Variants in FGD4 observed in about 807,000 individuals in gnomAD.
The protein encoded by FGD4 is FYVE, RhoGEF and PH domain containing 4, also known as FYVE, RhoGEF and PH domain-containing protein 4.
In FGD4, 42 loss-of-function variants were observed where a neutral mutation model predicts 102.0. The ratio of observed to expected loss-of-function variants is 0.41; its 90% CI spans 0.32 to 0.53. FGD4 has a LOEUF of 0.53. Ranked by LOEUF, FGD4 falls within the 20% of genes least tolerant of loss-of-function variation. The pLI is 0.21. For synonymous variants in FGD4, 380 were observed against 375.7 expected, an observed-to-expected ratio of 1.01 and a Z score of -0.13; for missense variants, 902 against 1,078.2, an observed-to-expected ratio of 0.84 and a Z score of 2.29.
intron 1 of FGD4, among the ~76,000 whole-genome samples, chr12:32,512,179 G>A (rs1470598386): frequency 1.3e-5 from 2 of 152,062 alleles, no homozygotes; most frequent in Admixed American, 6.5e-5. Context: ...GGGTGCAGTG[G>A]CTCTCACCTG....
chr12:32,528,584 T>A (rs900093589), intron 1 of FGD4, among the ~76,000 whole-genome samples: 2 of 151,998 alleles, frequency 1.3e-5, no homozygotes, highest in Non-Finnish European at 2.9e-5. Context: ...AGAGATGAGG[T>A]TTCACCATGT....
chr12:32,498,824 A>C (rs1428012937), intron 1 of FGD4, among the ~76,000 whole-genome samples: 1 of 152,182 alleles, frequency 6.6e-6, no homozygotes, highest in Admixed American at 6.5e-5. Context: ...GCTGGTCTCG[A>C]ACTCCTGACC....
chr12:32,447,873 AT>A (rs1438290053), intron 1 of FGD4, among the ~76,000 whole-genome samples: 1 of 152,242 alleles, frequency 6.6e-6, no homozygotes, highest in African/African-American at 2.4e-5. Context: ...AGGCACTCAA[AT>A]ATTTGTTGGT....
intron 1 of FGD4, among the ~76,000 whole-genome samples, chr12:32,484,599 C>T (rs1173933764): frequency 6.6e-6 from 1 of 152,110 alleles, no homozygotes; most frequent in Non-Finnish European, 1.5e-5. Flanking sequence ...AGGCTGGGTG[C>T]AGTCACTCAT....
chr12:32,574,337 T>TC (rs201860513), intron 2 of FGD4, among the ~76,000 whole-genome samples: 1,813 of 152,094 alleles, frequency 0.012, 38 homozygotes, highest in African/African-American at 0.042. Flanking sequence ...AAGTGTTTTT[T>TC]TTTTTTTTTT....
chr12:32,413,987 T>TC (rs1021696697), intron 1 of FGD4, among the ~76,000 whole-genome samples: 4 of 151,040 alleles, frequency 2.6e-5, no homozygotes, highest in Non-Finnish European at 5.9e-5. Flanking sequence ...TTTTTTTTTT[T>TC]TTTGAGACGG....
intron 1 of FGD4, chr12:32,534,515 T>C (rs939058924): frequency 2.8e-6 from 4 of 1,440,920 alleles, no homozygotes; most frequent in Non-Finnish European, 3.7e-6. Context: ...GGTTTCATTT[T>C]CTAGTAGATA....
chr12:32,491,581 G>A (rs1021468768), intron 1 of FGD4, among the ~76,000 whole-genome samples: 4 of 152,118 alleles, frequency 2.6e-5, no homozygotes, highest in Admixed American at 2.0e-4. Flanking sequence ...TTCAGAAAAT[G>A]TATATTCCTG....
intron 1 of FGD4, among the ~76,000 whole-genome samples, chr12:32,451,945 T>G (rs756807898): frequency 2.0e-4 from 30 of 150,614 alleles, no homozygotes; most frequent in Non-Finnish European, 4.0e-4. Context: ...TATGTTCCCG[T>G]GGAGATCCTT....
chr12:32,472,505 G>A (rs573000161), intron 1 of FGD4, among the ~76,000 whole-genome samples: 16 of 152,344 alleles, frequency 1.1e-4, no homozygotes, highest in African/African-American at 3.4e-4. Flanking sequence ...TCAATTTCTC[G>A]CTGGGCCTTG....
rs1202723986 is a variant in FGD4, at chr12:32,564,350, A to G, written c.319+61A>G. ...CGTTGTTGATCAATGAAGGCTAACC[A>G]GAAAAATGATGGCCACAAAGAAAGT... On this transcript the variant is annotated intron_variant, in intron 2 of 16. Transcript: ENST00000534526. 8.7e-5 allele frequency: 130 copies of G among 1,498,238 alleles called. 2 individuals carry two copies. In the Admixed American group the frequency reaches 2.8e-3, roughly 32 times the overall value. 92.8% of individuals were successfully genotyped at this position (1,498,238 alleles called of 1,614,324 possible). A position where few individuals can be genotyped will look rare whatever the true frequency, so the allele number is the denominator to read the frequency against.
chr12:32,635,018 G>C (rs1187092343), intron 15 of FGD4, among the ~76,000 whole-genome samples: 1 of 152,094 alleles, frequency 6.6e-6, no homozygotes, highest in East Asian at 1.9e-4. Flanking sequence ...GAATCAGTAA[G>C]TATTTATTGA....
At chr12:32,489,962 T>G (rs1944034730) in intron 1 of FGD4, among the ~76,000 whole-genome samples, 1 of 152,166 alleles carries the variant, frequency 6.6e-6, no homozygotes, top group Admixed American at 6.5e-5. Context: ...CTTTGAACAG[T>G]GATGTCCAGT....
chr12:32,609,436 A>G (rs935084626), intron 8 of FGD4, among the ~76,000 whole-genome samples: 17 of 152,122 alleles, frequency 1.1e-4, no homozygotes, highest in Admixed American at 1.0e-3. Flanking sequence ...ATTCATCTCT[A>G]GAGCAGTGGC....
chr12:32,622,060 G>A (rs1949874468), intron 11 of FGD4, among the ~76,000 whole-genome samples: 1 of 152,098 alleles, frequency 6.6e-6, no homozygotes, highest in South Asian at 2.1e-4. Context: ...ACTAACTTTT[G>A]TATTTTTAGT....
chr12:32,465,823 A>C (rs1178854971), intron 1 of FGD4, among the ~76,000 whole-genome samples: 1 of 152,118 alleles, frequency 6.6e-6, no homozygotes, highest in South Asian at 2.1e-4. Flanking sequence ...CTGTAACCCA[A>C]ACTGTAATGC....
chr12:32,535,361 T>G (rs1942156865), intron 1 of FGD4, among the ~76,000 whole-genome samples: 1 of 152,130 alleles, frequency 6.6e-6, no homozygotes, highest in Non-Finnish European at 1.5e-5. Flanking sequence ...TCCTTAAGTG[T>G]CAGGGGCATA....
chr12:32,434,352 T>A (rs1942157160), intron 1 of FGD4, among the ~76,000 whole-genome samples: 1 of 152,224 alleles, frequency 6.6e-6, no homozygotes. Context: ...ATAGAAAAGT[T>A]GATTATCCTG....
At chr12:32,525,188 C>T (rs1022632065) in intron 1 of FGD4, among the ~76,000 whole-genome samples, 1 of 152,102 alleles carries the variant, frequency 6.6e-6, no homozygotes, top group Admixed American at 6.5e-5. Context: ...GGTTTTGTGA[C>T]CCAACAATCA....
Sources: allele counts gnomAD v4.1 joint callset (sites outside exome capture counted in the v4.1 genomes callset), GRCh38; gene constraint gnomAD v4.1.1; transcripts MANE v1.5; gene names NCBI Gene and HGNC (gene_info 2026-07-23, HGNC 2026-07-21).